The following DLGAP1 variants were observed in gnomAD, a reference collection of about 807,000 sequenced individuals.
The protein encoded by DLGAP1 is DLG associated protein 1.
In DLGAP1, 11 loss-of-function variants were observed where a neutral mutation model predicts 90.8. The ratio of observed to expected loss-of-function variants is 0.12; its 90% CI spans 0.08 to 0.20. The LOEUF is 0.20. Among genes scored for constraint, DLGAP1 ranks in the 10% least tolerant of loss-of-function variants. DLGAP1 has a pLI of 1.00. For synonymous variants in DLGAP1, 558 were observed against 540.7 expected, an observed-to-expected ratio of 1.03 and a Z score of -0.44; for missense variants, 1,050 against 1,333.8, an observed-to-expected ratio of 0.79 and a Z score of 3.31.
chr18:3,891,488 C>T (rs1052593428), intron 3 of DLGAP1, among the ~76,000 whole-genome samples: 1 of 152,144 alleles, frequency 6.6e-6, no homozygotes, highest in African/African-American at 2.4e-5. Context: ...TCATGGGTCT[C>T]CTGGTTCTGT....
intron 7 of DLGAP1, among the ~76,000 whole-genome samples, chr18:3,676,166 C>G (rs1221004168): frequency 6.6e-6 from 1 of 152,228 alleles, no homozygotes; most frequent in Non-Finnish European, 1.5e-5. Context: ...CCTCTGCCAG[C>G]CGCGTGTACA....
chr18:4,272,710 C>T (rs1013739579), intron 1 of DLGAP1, among the ~76,000 whole-genome samples: 1 of 152,174 alleles, frequency 6.6e-6, no homozygotes, highest in African/African-American at 2.4e-5. Context: ...TACGGGAAAG[C>T]GTTTTATAGT....
intron 2 of DLGAP1, among the ~76,000 whole-genome samples, chr18:4,142,005 T>A (rs548851943): frequency 1.6e-4 from 24 of 152,168 alleles, no homozygotes; most frequent in South Asian, 8.3e-4. Flanking sequence ...TGCTGTCATG[T>A]ATTCCTGGAT....
chr18:3,675,453 C>A (rs1258816620), intron 7 of DLGAP1, among the ~76,000 whole-genome samples: 2 of 152,208 alleles, frequency 1.3e-5, no homozygotes, highest in Admixed American at 6.5e-5. Flanking sequence ...CACTCAGATC[C>A]AGCAACATCT....
chr18:3,983,480 G>A (rs961333304), intron 3 of DLGAP1: 28 of 152,134 alleles, frequency 1.8e-4, no homozygotes, highest in African/African-American at 6.5e-4. Flanking sequence ...CTAGTTGTTG[G>A]GGGTGCCAAG....
intron 2 of DLGAP1, among the ~76,000 whole-genome samples, chr18:4,027,017 A>G (rs965358695): frequency 5.9e-5 from 9 of 152,212 alleles, no homozygotes; most frequent in South Asian, 4.2e-4. Context: ...TACATCCTGG[A>G]TTACCCTGAC....
intron 1 of DLGAP1, among the ~76,000 whole-genome samples, chr18:4,218,935 T>C (rs560236309): frequency 3.3e-5 from 5 of 151,968 alleles, no homozygotes; most frequent in Non-Finnish European, 5.9e-5. Flanking sequence ...GCAATAGGCA[T>C]GATAGTGCAG....
intron 2 of DLGAP1, among the ~76,000 whole-genome samples, chr18:4,139,505 G>C (rs1336968366): frequency 2.0e-5 from 3 of 151,888 alleles, no homozygotes; most frequent in Non-Finnish European, 4.4e-5. Context: ...CAATTTTCTT[G>C]ATGTTTTAAG....
intron 1 of DLGAP1, among the ~76,000 whole-genome samples, chr18:4,281,510 C>T (rs374245978): frequency 3.3e-5 from 5 of 152,108 alleles, no homozygotes; most frequent in South Asian, 4.1e-4. Flanking sequence ...ACGGAGATTG[C>T]GCTACTGCAC....
intron 3 of DLGAP1, among the ~76,000 whole-genome samples, chr18:3,963,906 C>T (rs942220748): frequency 6.6e-6 from 1 of 152,086 alleles, no homozygotes. Flanking sequence ...ATGTAAATAC[C>T]AATTAAAGTT....
chr18:3,723,030 C>T (rs1434921883), intron 7 of DLGAP1, among the ~76,000 whole-genome samples: 1 of 152,170 alleles, frequency 6.6e-6, no homozygotes, highest in African/African-American at 2.4e-5. Flanking sequence ...GCCTTAGTTT[C>T]CTTACCTTTG....
chr18:3,561,586 G>A (rs1395001214), intron 9 of DLGAP1, among the ~76,000 whole-genome samples: 2 of 150,508 alleles, frequency 1.3e-5, no homozygotes, highest in Non-Finnish European at 2.9e-5. Context: ...ATCTGAAATA[G>A]TCTTTATTTT....
intron 2 of DLGAP1, among the ~76,000 whole-genome samples, chr18:4,009,986 G>A (rs1410485804): frequency 6.6e-6 from 1 of 152,200 alleles, no homozygotes; most frequent in Non-Finnish European, 1.5e-5. Context: ...GTCATGATCT[G>A]CACTACTTAC....
chr18:3,838,477 A>G (rs1273677577), intron 4 of DLGAP1, among the ~76,000 whole-genome samples: 4 of 152,220 alleles, frequency 2.6e-5, no homozygotes, highest in African/African-American at 9.7e-5. Flanking sequence ...CTACATGCTT[A>G]AAAGTGAAGG....
intron 1 of DLGAP1, among the ~76,000 whole-genome samples, chr18:4,226,184 T>C (rs1428082715): frequency 6.6e-6 from 1 of 152,042 alleles, no homozygotes; most frequent in Non-Finnish European, 1.5e-5. Context: ...GATCTTAGAA[T>C]AGGATATCCA....
chr18:3,812,616 G>GT (rs924874989), intron 5 of DLGAP1, among the ~76,000 whole-genome samples: 6 of 151,968 alleles, frequency 3.9e-5, no homozygotes, highest in Admixed American at 3.9e-4. Flanking sequence ...GAAGGAAGAG[G>GT]TTTTTTTCTT....
chr18:3,575,283 CTT>C (rs1417815811), intron 8 of DLGAP1, among the ~76,000 whole-genome samples: 2 of 152,050 alleles, frequency 1.3e-5, no homozygotes, highest in African/African-American at 4.8e-5. Flanking sequence ...ATAAATAAGT[CTT>C]AAGAGTATGA....
intron 1 of DLGAP1, among the ~76,000 whole-genome samples, chr18:4,234,782 T>C (rs2078372098): frequency 6.6e-6 from 1 of 152,192 alleles, no homozygotes; most frequent in African/African-American, 2.4e-5. Context: ...ACTACACCCA[T>C]TTCAACTCAC....
intron 7 of DLGAP1, among the ~76,000 whole-genome samples, chr18:3,714,453 AC>A (rs1281891894): frequency 6.6e-6 from 1 of 152,018 alleles, no homozygotes; most frequent in Non-Finnish European, 1.5e-5. Flanking sequence ...ATGGAGATGC[AC>A]CCCCAAATGG....
Sources: gnomAD v4.1 joint callset for allele counts (sites outside exome capture counted in the v4.1 genomes callset) on GRCh38, gnomAD v4.1.1 for gene constraint, MANE v1.5 for transcripts, NCBI Gene and HGNC (gene_info 2026-07-23, HGNC 2026-07-21) for gene names.